FAT3: variants seen among roughly 807,000 people sequenced by gnomAD.
The protein encoded by FAT3 is FAT atypical cadherin 3.
In FAT3, 95 loss-of-function variants were observed where a neutral mutation model predicts 310.2. The ratio of observed to expected loss-of-function variants is 0.31; its 90% CI spans 0.26 to 0.36. The LOEUF (loss-of-function observed/expected upper bound fraction) is 0.36. Ranked by LOEUF, FAT3 falls within the 10% of genes least tolerant of loss-of-function variation. The pLI is 1.00. For synonymous variants in FAT3, 2,314 were observed against 2,192.9 expected (o/e 1.06, Z -1.54); for missense variants, 5,408 against 5,715.6 (o/e 0.95, Z 1.74).
At chr11:92,767,390 C>A (rs1031786701) in intron 6 of FAT3, among the ~76,000 whole-genome samples, 3 of 152,120 alleles carry the variant, frequency 2.0e-5, no homozygotes, top group Non-Finnish European at 4.4e-5. Context: ...CTTGAACACT[C>A]CAGTGTCCAA....
At chr11:92,657,823 C>A (rs1040379570) in intron 3 of FAT3, among the ~76,000 whole-genome samples, 1 of 151,966 alleles carries the variant, frequency 6.6e-6, no homozygotes, top group South Asian at 2.1e-4. Context: ...CATGTTAGAC[C>A]CAACTAATCC....
intron 1 of FAT3, among the ~76,000 whole-genome samples, chr11:92,289,029 C>A (rs78044071): frequency 2.0e-5 from 3 of 152,036 alleles, no homozygotes; most frequent in African/African-American, 7.3e-5. Context: ...GCCCTGCTTG[C>A]GGGACTCACC....
intron 3 of FAT3, among the ~76,000 whole-genome samples, chr11:92,525,234 A>G (rs1953818298): frequency 6.6e-6 from 1 of 152,192 alleles, no homozygotes; most frequent in Admixed American, 6.5e-5. Context: ...TCAGAGAGCC[A>G]GCTGCTTCCT....
At chr11:92,688,323 TG>T (rs1475188933) in intron 3 of FAT3, among the ~76,000 whole-genome samples, 1 of 152,194 alleles carries the variant, frequency 6.6e-6, no homozygotes, top group Non-Finnish European at 1.5e-5. Flanking sequence ...TACGGGAGGC[TG>T]TTCCTGGTGC....
intron 4 of FAT3, among the ~76,000 whole-genome samples, chr11:92,704,594 T>C (rs1210158494): frequency 6.6e-6 from 1 of 151,956 alleles, no homozygotes; most frequent in African/African-American, 2.4e-5. Flanking sequence ...GAAGAGGAAA[T>C]TTGGACACAG....
chr11:92,674,907 A>T (rs550864896), intron 3 of FAT3, among the ~76,000 whole-genome samples: 22 of 152,312 alleles, frequency 1.4e-4, no homozygotes, highest in Non-Finnish European at 2.8e-4. Flanking sequence ...AGCACGATAA[A>T]TGAGTTCTGT....
In FAT3 at chr11:92,809,863, C is replaced by G. The variant is rs781127055; in HGVS notation, c.9268C>G (p.Leu3090Val). The change falls in exon 13 of 28, where the codon CTG (leucine) becomes GTG (valine). Residue 3090 changes from leucine to valine, a missense_variant. Transcript: ENST00000525166. ...CACAGGCGAGTTAAAAACCTTGGCT[C>G]TGTTGGACCGGGAGAGGATCCCCGT... is the stretch of plus-strand genomic sequence containing the variant. ...PESGELKTLALLDRERIPVYS... is the reference protein window; with the variant it reads ...PESGELKTLAVLDRERIPVYS... 29 of 1,613,622 alleles carry G rather than the reference C, an allele frequency of 1.8e-5. No individual in the cohort carries two copies. Among genetic ancestry groups the G allele is most frequent in the African/African-American group, 2.7e-5 (2 of 74,932 alleles).
rs140294932 is a variant in FAT3, at chr11:92,271,316, C to G, written c.-18+46142C>G. On this transcript the variant is annotated intron_variant, in intron 1 of 27. Coordinates refer to ENST00000525166, the MANE Select transcript of FAT3 (RefSeq NM_001367949.2). Reference sequence around the variant, plus strand: ...ACTGGCCTTCCCTCTGGACCTTAACCCTCCCCAATATCCCTATGTGCTTCC... The same window carrying G: ...ACTGGCCTTCCCTCTGGACCTTAACGCTCCCCAATATCCCTATGTGCTTCC... Among the ~76,000 whole-genome samples, 681 of 152,216 alleles carry G rather than the reference C, an allele frequency of 4.5e-3. 8 individuals carry two copies. Among genetic ancestry groups the G allele is most frequent in the African/African-American group, 0.016 (648 of 41,548 alleles).
intron 3 of FAT3, among the ~76,000 whole-genome samples, chr11:92,580,428 C>G (rs1269988310): frequency 6.6e-6 from 1 of 152,070 alleles, no homozygotes; most frequent in East Asian, 1.9e-4. Context: ...GAAAATCTTT[C>G]TCCAATCCTT....
At chr11:92,507,352 G>A (rs1052071010) in intron 2 of FAT3, among the ~76,000 whole-genome samples, 2 of 152,076 alleles carry the variant, frequency 1.3e-5, no homozygotes, top group Admixed American at 1.3e-4. Context: ...TGCTATTGTA[G>A]TTGCTTATTT....
Position 92,891,343 on chromosome 11 carries a change from T to C in FAT3, c.*230T>C. On this transcript the variant is annotated 3_prime_UTR_variant, in exon 28 of 28. Coordinates refer to ENST00000525166, the MANE Select transcript of FAT3 (RefSeq NM_001367949.2). ...GAGAGGTGACTGGTAATCCTTGATGTAGGTACCTATGTTCACAGCTAAAAA... is the reference window on the plus strand; with the variant it reads ...GAGAGGTGACTGGTAATCCTTGATGCAGGTACCTATGTTCACAGCTAAAAA... 1.7e-6 allele frequency: 1 copy of C among 588,402 alleles called. No individual in the cohort carries two copies. The highest frequency in any genetic ancestry group is 3.1e-5 in the Admixed American group (1 of 32,690). 36.4% of individuals were successfully genotyped at this position (588,402 alleles called of 1,614,324 possible).
chr11:92,722,711 G>A (rs957872374), intron 4 of FAT3, among the ~76,000 whole-genome samples: 1 of 152,216 alleles, frequency 6.6e-6, no homozygotes, highest in Non-Finnish European at 1.5e-5. Flanking sequence ...CTGAAATCTA[G>A]GTGGATGTTC....
rs1430900614 is a variant in FAT3 at position 92,810,016 on chromosome 11, T to C, written c.9421T>C (p.Tyr3141His). Reference protein sequence around the residue: ...FSSDHYNTCVYENTATKALLT... With the variant: ...FSSDHYNTCVHENTATKALLT... Reference sequence around the variant, plus strand: ...TTCTGACCACTACAACACCTGTGTCTATGAGAACACAGCCACCAAGGCTCT... The same window carrying C: ...TTCTGACCACTACAACACCTGTGTCCATGAGAACACAGCCACCAAGGCTCT... The change falls in exon 13 of 28, where the codon TAT becomes CAT. Residue 3141 changes from tyrosine to histidine, a missense_variant. By Grantham distance (83) the Tyr-to-His change is moderately conservative. Coordinates refer to ENST00000525166, the MANE Select transcript of FAT3 (RefSeq NM_001367949.2). 2 of 1,613,966 alleles carry C rather than the reference T, an allele frequency of 1.2e-6. No individual in the cohort carries two copies. The highest frequency in any genetic ancestry group is 1.7e-6 in the Non-Finnish European group (2 of 1,179,854).
intron 3 of FAT3, among the ~76,000 whole-genome samples, chr11:92,583,900 A>G (rs1938982746): frequency 6.6e-6 from 1 of 152,024 alleles, no homozygotes; most frequent in South Asian, 2.1e-4. Context: ...CAGATGAAGT[A>G]TTTGGATTGG....
At chr11:92,393,213 T>C (rs1360720896) in intron 2 of FAT3, among the ~76,000 whole-genome samples, 1 of 152,144 alleles carries the variant, frequency 6.6e-6, no homozygotes, top group Non-Finnish European at 1.5e-5. Context: ...TACCTGGTTT[T>C]ACATGCACAT....
At chr11:92,845,795 C>T (rs1948669493) in intron 19 of FAT3, among the ~76,000 whole-genome samples, 1 of 152,150 alleles carries the variant, frequency 6.6e-6, no homozygotes, top group African/African-American at 2.4e-5. Context: ...AGGGCCCCGG[C>T]CTCTTCCCTT....
At chr11:92,516,379 G>A (rs1479530591) in intron 2 of FAT3, among the ~76,000 whole-genome samples, 8 of 151,962 alleles carry the variant, frequency 5.3e-5, no homozygotes, top group South Asian at 2.1e-4. Flanking sequence ...CAGAACCTAC[G>A]ACAAAAACCA....
At chr11:92,660,702 A>T (rs1385982217) in intron 3 of FAT3, among the ~76,000 whole-genome samples, 1 of 152,222 alleles carries the variant, frequency 6.6e-6, no homozygotes, top group African/African-American at 2.4e-5. Context: ...TGTGATTTCA[A>T]TCGTGGTCTT....
At chr11:92,465,983 G>C (rs1951750121) in intron 2 of FAT3, among the ~76,000 whole-genome samples, 1 of 152,102 alleles carries the variant, frequency 6.6e-6, no homozygotes, top group South Asian at 2.1e-4. Context: ...GTAGCATTTA[G>C]TATTAATAAG....
Sources: allele counts gnomAD v4.1 joint callset (sites outside exome capture counted in the v4.1 genomes callset), GRCh38; gene constraint gnomAD v4.1.1; transcripts MANE v1.5; gene names NCBI Gene and HGNC (gene_info 2026-07-23, HGNC 2026-07-21).